RBFOX1: variants seen among roughly 807,000 people sequenced by gnomAD.
RBFOX1 encodes the protein RNA binding protein fox-1 homolog 1.
In RBFOX1, 8 loss-of-function variants were observed where a neutral mutation model predicts 57.7. The ratio of observed to expected loss-of-function variants is 0.14; its 90% CI spans 0.08 to 0.25. The LOEUF (loss-of-function observed/expected upper bound fraction) is 0.25, where lower values mean the gene tolerates loss of function less well. Among genes scored for constraint, RBFOX1 ranks in the 10% least tolerant of loss-of-function variants. RBFOX1 has a pLI of 1.00. For missense variants in RBFOX1, 611 were observed against 548.5 expected (o/e 1.11, Z -1.14); for synonymous variants, 326 against 222.4 (o/e 1.47, Z -4.15).
chr16:6,779,793 A>ATTTATATG (rs2080095388), intron 3 of RBFOX1, among the ~76,000 whole-genome samples: 1 of 4,004 alleles, frequency 2.5e-4, no homozygotes, highest in African/African-American at 1.3e-3. Flanking sequence ...ATTTTTATAT[A>ATTTATATG]TACTTTTATA....
chr16:7,415,219 C>A (rs1249226501), intron 4 of RBFOX1, among the ~76,000 whole-genome samples: 1 of 152,204 alleles, frequency 6.6e-6, no homozygotes, highest in South Asian at 2.1e-4. Context: ...GAGGCAGGAA[C>A]TGAGTGTCTG....
chr16:5,913,721 A>G (rs1006998744), intron 4 of RBFOX1, among the ~76,000 whole-genome samples: 2 of 152,242 alleles, frequency 1.3e-5, no homozygotes, highest in East Asian at 1.9e-4. Context: ...CTTGCTCAAG[A>G]AGAATGATAT....
chr16:7,369,120 C>G (rs4291918), intron 4 of RBFOX1, among the ~76,000 whole-genome samples: 26,693 of 152,066 alleles, frequency 0.18, 2,425 homozygotes, highest in East Asian at 0.2. Context: ...TTTCACAACT[C>G]AGCGTGGATT....
chr16:6,006,138 T>C (rs2094925745), intron 4 of RBFOX1, among the ~76,000 whole-genome samples: 1 of 152,224 alleles, frequency 6.6e-6, no homozygotes, highest in African/African-American at 2.4e-5. Context: ...TACTTGGCTG[T>C]TTAGCATCTG....
At chr16:6,005,682 C>T (rs1417873017) in intron 4 of RBFOX1, among the ~76,000 whole-genome samples, 1 of 152,166 alleles carries the variant, frequency 6.6e-6, no homozygotes, top group African/African-American at 2.4e-5. Context: ...CTAGACATTG[C>T]CAAATGCCCC....
chr16:6,385,698 A>G (rs1360454240), intron 2 of RBFOX1, among the ~76,000 whole-genome samples: 1 of 152,242 alleles, frequency 6.6e-6, no homozygotes, highest in Non-Finnish European at 1.5e-5. Context: ...CACTATTGGG[A>G]GAACAGAACA....
chr16:5,812,563 G>T (rs1050017555), intron 3 of RBFOX1, among the ~76,000 whole-genome samples: 1 of 151,206 alleles, frequency 6.6e-6, no homozygotes, highest in Non-Finnish European at 1.5e-5. Flanking sequence ...GGCTCAGGGG[G>T]ATCTTCTCCC....
rs577384713 is a variant in RBFOX1, at chr16:6,343,092, G to A, written c.-64+26035G>A. On this transcript the variant is annotated intron_variant, in intron 2 of 15. Transcript: ENST00000550418. Reference sequence around the variant, plus strand: ...GAGGAGAAGTGACAATTTAAAGTGGGCAGATGGAAAAATGAGTCTCTTGGT... The same window carrying A: ...GAGGAGAAGTGACAATTTAAAGTGGACAGATGGAAAAATGAGTCTCTTGGT... Among the ~76,000 whole-genome samples the A allele has an allele frequency of 7.7e-4, 117 of 152,242 alleles. 1 individual carries two copies. Among genetic ancestry groups the A allele is most frequent in the Non-Finnish European group, 1.4e-3 (95 of 67,994 alleles).
At chr16:6,931,338 TCTACAC>T (rs1423362532) in intron 3 of RBFOX1, among the ~76,000 whole-genome samples, 18,038 of 130,874 alleles carry the variant, frequency 0.14, 1,303 homozygotes, top group East Asian at 0.18. Context: ...TCTATCTATC[TCTACAC>T]ACACACACAC....
chr16:6,681,458 G>A (rs2058640151), intron 3 of RBFOX1, among the ~76,000 whole-genome samples: 2 of 152,194 alleles, frequency 1.3e-5, no homozygotes, highest in African/African-American at 2.4e-5. Flanking sequence ...GAGTTCAGAA[G>A]TATAACCAGA....
downstream of RBFOX1, among the ~76,000 whole-genome samples, chr16:5,603,612 G>C (rs186667926): frequency 2.6e-5 from 4 of 152,144 alleles, no homozygotes; most frequent in East Asian, 1.9e-4. Flanking sequence ...TCTGCCCCTC[G>C]ATACATCAAA....
Position 7,117,221 on chromosome 16 carries a change from G to A in RBFOX1, c.27+65123G>A, listed in dbSNP as rs186101606. On this transcript the variant is annotated intron_variant, in intron 4 of 15. Transcript: ENST00000550418. Reference sequence around the variant, plus strand: ...AAGCATTTTGGGCTTTGTAACAAGGGCATTGACACATGTTAAACTCGGGAA... The same window carrying A: ...AAGCATTTTGGGCTTTGTAACAAGGACATTGACACATGTTAAACTCGGGAA... 5.9e-5 allele frequency among the ~76,000 whole-genome samples: 9 copies of A among 152,210 alleles called. No individual in the cohort carries two copies. In the East Asian group the frequency reaches 1.7e-3, roughly 29 times the overall value.
chr16:5,459,973 A>G (rs2068741901), intron 1 of RBFOX1, among the ~76,000 whole-genome samples: 1 of 152,104 alleles, frequency 6.6e-6, no homozygotes, highest in African/African-American at 2.4e-5. Flanking sequence ...TCAGCTGCAA[A>G]GACATTCCAT....
intron 14 of RBFOX1, among the ~76,000 whole-genome samples, chr16:7,700,523 T>A (rs2080325002): frequency 6.6e-6 from 1 of 152,134 alleles, no homozygotes; most frequent in African/African-American, 2.4e-5. Flanking sequence ...TTGTTTTTCC[T>A]CCTATGGGGT....
chr16:7,170,337 G>A (rs1478724), intron 4 of RBFOX1, among the ~76,000 whole-genome samples: 27,611 of 152,066 alleles, frequency 0.18, 3,640 homozygotes, highest in East Asian at 0.39. Flanking sequence ...CAGTGGAGCA[G>A]TCACAGCTCA....
intron 4 of RBFOX1, among the ~76,000 whole-genome samples, chr16:7,439,839 G>A (rs1301470373): frequency 1.3e-5 from 2 of 152,108 alleles, no homozygotes; most frequent in South Asian, 2.1e-4. Flanking sequence ...AATGATCTAG[G>A]TGGAAAAGAG....
intron 4 of RBFOX1, among the ~76,000 whole-genome samples, chr16:7,334,290 G>T (rs1027812731): frequency 6.6e-6 from 1 of 152,060 alleles, no homozygotes; most frequent in African/African-American, 2.4e-5. Context: ...AAACAAATGG[G>T]TCATCTGGAG....
At chr16:5,900,302 T>C (rs2058275346) in intron 4 of RBFOX1, among the ~76,000 whole-genome samples, 1 of 152,182 alleles carries the variant, frequency 6.6e-6, no homozygotes, top group African/African-American at 2.4e-5. Flanking sequence ...ATATTACTCA[T>C]TGATTCATGA....
intron 14 of RBFOX1, among the ~76,000 whole-genome samples, chr16:7,698,186 GTGTGTGTGTGTGTGTGT>G (rs2079421065): frequency 5.8e-5 from 6 of 103,272 alleles, no homozygotes; most frequent in East Asian, 2.6e-4. Context: ...CCAAGAGGGT[GTGTGTGTGTGTGTGTGT>G]GTGTGTGTGT....
Sources: gnomAD v4.1 joint callset for allele counts (sites outside exome capture counted in the v4.1 genomes callset) on GRCh38, gnomAD v4.1.1 for gene constraint, MANE v1.5 for transcripts, NCBI Gene and HGNC (gene_info 2026-07-23, HGNC 2026-07-21) for gene names.